The following CAMKMT variants were observed in gnomAD, a reference collection of about 807,000 sequenced individuals.
CAMKMT encodes calmodulin-lysine N-methyltransferase, also known as CaM KMT.
Under a neutral mutation model 48.0 loss-of-function variants are expected in CAMKMT, and 53 were observed. That is an observed-to-expected ratio of 1.10 (90% CI 0.89 to 1.39). CAMKMT has a LOEUF of 1.39. Among genes scored for constraint, CAMKMT ranks in the 40% most tolerant of loss-of-function variants. CAMKMT has a pLI of 0.00. For missense variants in CAMKMT, 428 were observed against 402.7 expected (o/e 1.06, Z -0.54); for synonymous variants, 165 against 152.3 (o/e 1.08, Z -0.61).
At chr2:44,711,339 A>G (rs945695790) in intron 6 of CAMKMT, among the ~76,000 whole-genome samples, 1 of 152,220 alleles carries the variant, frequency 6.6e-6, no homozygotes, top group Non-Finnish European at 1.5e-5. Context: ...AGTGAACAAG[A>G]TAGGTCTAGT....
intron 5 of CAMKMT, 52 bp from the exon 6 acceptor site, chr2:44,707,347 C>A: frequency 1.3e-6 from 2 of 1,535,446 alleles, no homozygotes; most frequent in Middle Eastern, 1.7e-4. Flanking sequence ...TTCACTTCCA[C>A]ACAGACAAGC....
At chr2:44,585,874 G>T (rs1305695607) in intron 3 of CAMKMT, among the ~76,000 whole-genome samples, 1 of 152,186 alleles carries the variant, frequency 6.6e-6, no homozygotes, top group Non-Finnish European at 1.5e-5. Flanking sequence ...TAATTTTAGA[G>T]TGTGTAAAGG....
At chr2:44,564,578 C>G (rs1006681963) in intron 3 of CAMKMT, among the ~76,000 whole-genome samples, 1 of 151,910 alleles carries the variant, frequency 6.6e-6, no homozygotes, top group Non-Finnish European at 1.5e-5. Flanking sequence ...GAGTTTTGCT[C>G]TTGTCACCCA....
chr2:44,757,737 A>T (rs1680439590), intron 9 of CAMKMT, among the ~76,000 whole-genome samples: 1 of 151,800 alleles, frequency 6.6e-6, no homozygotes, highest in African/African-American at 2.4e-5. Flanking sequence ...TAATTTTTCT[A>T]TTTTTGGTAG....
intron 3 of CAMKMT, among the ~76,000 whole-genome samples, chr2:44,556,280 A>G (rs1572789847): frequency 6.6e-6 from 1 of 151,992 alleles, no homozygotes; most frequent in East Asian, 2.0e-4. Context: ...CTGGGATTAC[A>G]GGTGGCTGCC....
At chr2:44,568,981 C>T (rs1202882065) in intron 3 of CAMKMT, among the ~76,000 whole-genome samples, 1 of 152,186 alleles carries the variant, frequency 6.6e-6, no homozygotes, top group Admixed American at 6.5e-5. Flanking sequence ...AAATGTCAGT[C>T]TCTAGGGCAG....
intron 3 of CAMKMT, among the ~76,000 whole-genome samples, chr2:44,450,438 G>A (rs1397377198): frequency 6.6e-6 from 1 of 152,104 alleles, no homozygotes; most frequent in Non-Finnish European, 1.5e-5. Context: ...GAAGATCTTA[G>A]CGTTAATTAT....
At chr2:44,616,794 T>C (rs949810706) in intron 3 of CAMKMT, among the ~76,000 whole-genome samples, 17 of 152,180 alleles carry the variant, frequency 1.1e-4, no homozygotes, top group Non-Finnish European at 5.9e-5. Flanking sequence ...TCTACACATA[T>C]CACACAAATC....
At chr2:44,722,409 C>T (rs1194291285) in intron 7 of CAMKMT, among the ~76,000 whole-genome samples, 1 of 151,972 alleles carries the variant, frequency 6.6e-6, no homozygotes, top group Non-Finnish European at 1.5e-5. Flanking sequence ...TAAAATTGGT[C>T]CAGAATTTTC....
chr2:44,446,337 T>C (rs1410725104), intron 3 of CAMKMT, among the ~76,000 whole-genome samples: 1 of 151,826 alleles, frequency 6.6e-6, no homozygotes, highest in Non-Finnish European at 1.5e-5. Flanking sequence ...CTTTCCCTTA[T>C]ATTATTTATT....
intron 3 of CAMKMT, among the ~76,000 whole-genome samples, chr2:44,590,577 G>C (rs1202381783): frequency 1.3e-5 from 2 of 152,112 alleles, no homozygotes; most frequent in African/African-American, 4.8e-5. Context: ...GTCTGTTCAT[G>C]TCCTTCACCC....
At chr2:44,641,334 G>A (rs535691934) in intron 3 of CAMKMT, among the ~76,000 whole-genome samples, 1 of 152,150 alleles carries the variant, frequency 6.6e-6, no homozygotes, top group East Asian at 1.9e-4. Flanking sequence ...TATAGAGAAA[G>A]ACGGTCTTAT....
Position 44,556,768 on chromosome 2 carries a change from C to CAATTTTT in CAMKMT, c.377-147515_377-147514insAATTTTT, listed in dbSNP as rs58440659. Among the ~76,000 whole-genome samples the CAATTTTT allele has an allele frequency of 1.6e-3, 34 of 21,674 alleles. 6 individuals carry two copies. Among genetic ancestry groups the CAATTTTT allele is most frequent in the South Asian group, 3.9e-3 (3 of 770 alleles). The allele number at this position is 21,674 out of a possible 152,430, so 14.2% of individuals were successfully genotyped here. On this transcript the variant is annotated intron_variant, in intron 3 of 10. Coordinates refer to ENST00000378494, the MANE Select transcript of CAMKMT (RefSeq NM_024766.5). ...ACAGGCGTGAGCCACCGCGCCCGGC[C>CAATTTTT]CTCTTTTTTTTTTTTAAAGGATTAA...
At chr2:44,643,008 T>C (rs1264635418) in intron 3 of CAMKMT, among the ~76,000 whole-genome samples, 1 of 152,030 alleles carries the variant, frequency 6.6e-6, no homozygotes, top group Non-Finnish European at 1.5e-5. Flanking sequence ...GCAAAGACAG[T>C]AAAATAGGGG....
chr2:44,510,263 C>T (rs902439629), intron 3 of CAMKMT, among the ~76,000 whole-genome samples: 5 of 152,150 alleles, frequency 3.3e-5, no homozygotes, highest in Non-Finnish European at 5.9e-5. Context: ...CTTTCTCTGT[C>T]TTTCACGGCC....
chr2:44,372,909 G>A (rs1679327677), intron 2 of CAMKMT, 21 bp downstream of exon 2: 3 of 1,582,716 alleles, frequency 1.9e-6, no homozygotes, highest in Non-Finnish European at 2.6e-6. Context: ...TTCTAGTTAA[G>A]ATTTTGTAAA....
intron 3 of CAMKMT, among the ~76,000 whole-genome samples, chr2:44,674,124 G>A (rs1458760653): frequency 6.6e-6 from 1 of 152,186 alleles, no homozygotes; most frequent in Non-Finnish European, 1.5e-5. Context: ...CACTAAATTT[G>A]ACGTTCCTGT....
intron 3 of CAMKMT, among the ~76,000 whole-genome samples, chr2:44,464,343 T>C (rs1335063734): frequency 2.6e-5 from 4 of 152,190 alleles, no homozygotes; most frequent in Non-Finnish European, 4.4e-5. Context: ...GAAGGACTTA[T>C]GGTGTACCAT....
At chr2:44,611,086 C>A (rs1383310946) in intron 3 of CAMKMT, among the ~76,000 whole-genome samples, 1 of 152,186 alleles carries the variant, frequency 6.6e-6, no homozygotes, top group East Asian at 1.9e-4. Flanking sequence ...TTTCTTATTC[C>A]CAATATGTTC....
Sources: gnomAD v4.1 joint callset for allele counts (sites outside exome capture counted in the v4.1 genomes callset) on GRCh38, gnomAD v4.1.1 for gene constraint, MANE v1.5 for transcripts, NCBI Gene and HGNC (gene_info 2026-07-23, HGNC 2026-07-21) for gene names.